ABI3: variants seen among roughly 807,000 people sequenced by gnomAD.
ABI3 encodes the protein ABI gene family member 3.
ABI3 carries 24 observed loss-of-function variants against 37.0 expected under a neutral mutation model. That is an observed-to-expected ratio of 0.65 (90% CI 0.47 to 0.91). ABI3 has a LOEUF of 0.91. Ranked by LOEUF, ABI3 falls within the 40% of genes least tolerant of loss-of-function variation. The pLI, the probability that ABI3 is intolerant of heterozygous loss-of-function variation, is 0.00. For missense variants in ABI3, 481 were observed against 485.1 expected (o/e 0.99, Z 0.08); for synonymous variants, 220 against 211.8 (o/e 1.04, Z -0.34).
chr17:49,210,748 G>C lies in ABI3; in HGVS notation c.24G>C (p.Gln8His). 1 of 1,556,682 alleles carries C rather than the reference G, an allele frequency of 6.4e-7. No homozygotes were observed. The highest frequency in any genetic ancestry group is 2.4e-5 in the East Asian group (1 of 41,328). The stretch of plus-strand genomic sequence containing the variant: ...TGATGGCGGAGCTACAGCAGCTGCA[G>C]GAGTTTGAGATCCCCACTGGCCGGG... MAELQQL[Q>H]EFEIPTGREA... Residue 8 changes from glutamine (Q) to histidine (H), a missense_variant, in exon 1 of 8, where the codon CAG becomes CAC. Transcript: ENST00000225941. This position sits in a 1 kb window ranked among gnomAD's most constrained non-coding sequence, Gnocchi z 4.2.
intron 6 of ABI3, among the ~76,000 whole-genome samples, chr17:49,221,293 A>T (rs1383341357): frequency 2.0e-5 from 3 of 150,294 alleles, no homozygotes; most frequent in Admixed American, 6.6e-5. Flanking sequence ...ACATGGTGAA[A>T]CCCTGTCTCT....
At position 49,219,744 on chromosome 17, in the gene ABI3, A is replaced by G. The variant is rs2043260562; in HGVS notation, c.549-114A>G. ...CCGGGTGCTCAGGCCGTCATGCTGG[A>G]TGCCTGGCGCCAAACCTCCCCCTCG... On this transcript the variant is annotated intron_variant, in intron 4 of 7. Coordinates refer to ENST00000225941, the MANE Select transcript of ABI3 (RefSeq NM_016428.3). This position sits in a 1 kb window ranked among gnomAD's most constrained non-coding sequence, Gnocchi z 4.3. 1 of 1,404,120 alleles carries G rather than the reference A, an allele frequency of 7.1e-7. No homozygotes were observed. Among genetic ancestry groups the G allele is most frequent in the Non-Finnish European group, 9.8e-7 (1 of 1,024,850 alleles). 87.0% of individuals were successfully genotyped at this position (1,404,120 alleles called of 1,614,324 possible).
At chr17:49,216,241 T>C (rs1348015803) in intron 1 of ABI3, among the ~76,000 whole-genome samples, 3 of 152,066 alleles carry the variant, frequency 2.0e-5, no homozygotes, top group Non-Finnish European at 4.4e-5. Flanking sequence ...GGTTGTACTA[T>C]CATCTGTACT....
intron 7 of ABI3, 63 bp downstream of exon 7, chr17:49,222,288 TCTC>T (rs2043299655): frequency 6.4e-7 from 1 of 1,558,438 alleles, no homozygotes; most frequent in East Asian, 2.3e-5. Context: ...TGATCCCCAT[TCTC>T]CTCCCTCTGC....
intron 1 of ABI3, among the ~76,000 whole-genome samples, chr17:49,212,438 A>G (rs1168123261): frequency 1.3e-5 from 2 of 152,240 alleles, no homozygotes; most frequent in Non-Finnish European, 2.9e-5. Context: ...TAACCAAACT[A>G]TGAGAACAGG....
At chr17:49,212,398 T>C (rs1039713098) in intron 1 of ABI3, among the ~76,000 whole-genome samples, 2 of 152,200 alleles carry the variant, frequency 1.3e-5, no homozygotes, top group African/African-American at 4.8e-5. Flanking sequence ...TGTTACCCCT[T>C]GGGCAAAACT....
rs1371412938 is a variant in ABI3, at chr17:49,222,853, T to C, written c.*138T>C. On this transcript the variant is annotated 3_prime_UTR_variant, in exon 8 of 8. Transcript: ENST00000225941. ...GAGCTGTGTTCTGTCCTTCCTCCCA[T>C]CGGAGGGAGAAGGGGTCCTGGGGAG... The C allele has an allele frequency of 7.0e-6, 7 of 1,005,156 alleles. 1 individual carries two copies. The highest frequency in any genetic ancestry group is 3.2e-4 in the Middle Eastern group (1 of 3,096). 62.3% of individuals were successfully genotyped at this position (1,005,156 alleles called of 1,614,324 possible).
intron 1 of ABI3, among the ~76,000 whole-genome samples, chr17:49,216,231 G>A: frequency 6.6e-6 from 1 of 152,004 alleles, no homozygotes; most frequent in Non-Finnish European, 1.5e-5. Context: ...TCTTCAGGAG[G>A]GTTGTACTAT....
Position 49,220,414 on chromosome 17 carries a change from C to T in ABI3, c.802+88C>T, listed in dbSNP as rs2233372. The stretch of plus-strand genomic sequence containing the variant: ...CAGCCCACCTCTCTTGGATCTGCCC[C>T]GGCCAGCCTCAGTGAATGCCTCCTC... On this transcript the variant is annotated intron_variant, in intron 6 of 7. Coordinates refer to ENST00000225941, the MANE Select transcript of ABI3 (RefSeq NM_016428.3). The T allele has an allele frequency of 4.3e-3, 6,307 of 1,471,400 alleles. 256 individuals are homozygous for T. In the African/African-American group the frequency reaches 0.079, roughly 18 times the overall value. The allele number at this position is 1,471,400 out of a possible 1,614,324, so 91.1% of individuals were successfully genotyped here.
At chr17:49,218,157 GC>G (rs375535261) in intron 3 of ABI3, among the ~76,000 whole-genome samples, 7 of 152,104 alleles carry the variant, frequency 4.6e-5, no homozygotes, top group African/African-American at 1.4e-4. Flanking sequence ...AGCACCCCTC[GC>G]CCCCCCGCCC....
In ABI3 at chr17:49,210,775, G is replaced by T. The variant is rs755071175; in HGVS notation, c.51G>T (p.Glu17Asp). Residue 17 changes from glutamate to aspartate, a missense_variant, in exon 1 of 8, where the codon GAG becomes GAT. Glu to Asp is a conservative substitution (Grantham distance 45, BLOSUM62 2). Coordinates refer to ENST00000225941, the MANE Select transcript of ABI3 (RefSeq NM_016428.3). The surrounding 1 kb of genome is among the most constrained non-coding windows in gnomAD (Gnocchi z 4.2). ...LQEFEIPTGR[E>D]ALRGNHSALL... is the part of the protein sequence containing the mutation. Reference sequence around the variant, plus strand: ...AGTTTGAGATCCCCACTGGCCGGGAGGCTCTGAGGGGCAACCACAGTGCCC... The same window carrying T: ...AGTTTGAGATCCCCACTGGCCGGGATGCTCTGAGGGGCAACCACAGTGCCC... 1.9e-4 allele frequency: 298 copies of T among 1,555,308 alleles called. 1 individual carries two copies. Among genetic ancestry groups the T allele is most frequent in the Admixed American group, 5.8e-5 (3 of 51,502 alleles).
rs35385458 is a variant in ABI3, at chr17:49,211,949, C to CTT, written c.117+1120_117+1121dup. Among the ~76,000 whole-genome samples the CTT allele has an allele frequency of 9.0e-3, 1,292 of 143,760 alleles. 13 individuals are homozygous for CTT. Among genetic ancestry groups the CTT allele is most frequent in the East Asian group, 0.022 (108 of 4,846 alleles). The allele number at this position is 143,760 out of a possible 152,430, so 94.3% of individuals were successfully genotyped here. The stretch of plus-strand genomic sequence containing the variant: ...GAGTGAGCCACTGTGCCCAGCCAGC[C>CTT]TTTTTTTTTTTTTGACGGGGTCTCC... On this transcript the variant is annotated intron_variant, in intron 1 of 7. Transcript: ENST00000225941.
Position 49,219,962 on chromosome 17 carries a change from T to C in ABI3, c.644+9T>C, listed in dbSNP as rs1397725687. On this transcript the variant is annotated intron_variant, in intron 5 of 7. Transcript: ENST00000225941. The surrounding 1 kb of genome is among the most constrained non-coding windows in gnomAD (Gnocchi z 4.3). ...TCCCTGGCCTCGGCCGGGTGAGACC[T>C]ACAAGCCCACGTGGGTGGGTGGGGG... The C allele has an allele frequency of 1.5e-6, 2 of 1,304,168 alleles. No homozygotes were observed. The highest frequency in any genetic ancestry group is 1.9e-5 in the Admixed American group (1 of 51,334). The allele number at this position is 1,304,168 out of a possible 1,614,324, so 80.8% of individuals were successfully genotyped here.
chr17:49,222,964 G>A lies in ABI3; in HGVS notation c.*249G>A, dbSNP rs1041496385. 8.2e-5 allele frequency: 44 copies of A among 534,922 alleles called. No homozygotes were observed. In the Middle Eastern group the frequency reaches 1.9e-3, roughly 23 times the overall value. The allele number at this position is 534,922 out of a possible 1,614,324, so 33.1% of individuals were successfully genotyped here. A position where few individuals can be genotyped will look rare whatever the true frequency, so the allele number is the denominator to read the frequency against. ...AACAGAGGACCCCTACTCCATGCAG[G>A]ACAGGGTCTCCTGCTGCAAGTCCCA... On this transcript the variant is annotated 3_prime_UTR_variant, in exon 8 of 8. Coordinates refer to ENST00000225941, the MANE Select transcript of ABI3 (RefSeq NM_016428.3).
chr17:49,222,019 C>T, intron 6 of ABI3, 72 bp from the exon 7 acceptor site: 1 of 1,473,268 alleles, frequency 6.8e-7, no homozygotes, highest in East Asian at 2.5e-5. Context: ...GGGTCCAGCT[C>T]TTGAGCAGTT....
At position 49,219,693 on chromosome 17, in the gene ABI3, A is replaced by C; in HGVS notation, c.548+68A>C. The C allele has an allele frequency of 6.8e-7, 1 of 1,480,108 alleles. No individual in the cohort carries two copies. The highest frequency in any genetic ancestry group is 9.2e-7 in the Non-Finnish European group (1 of 1,087,282). The allele number at this position is 1,480,108 out of a possible 1,614,324, so 91.7% of individuals were successfully genotyped here. The stretch of plus-strand genomic sequence containing the variant: ...CGCGACCCTGAAACTCTCCTCCCCC[A>C]GCCTCGCCACCCACCCCTGGCGCCC... On this transcript the variant is annotated intron_variant, in intron 4 of 7. Transcript: ENST00000225941. This position sits in a 1 kb window ranked among gnomAD's most constrained non-coding sequence, Gnocchi z 4.3.
intron 1 of ABI3, among the ~76,000 whole-genome samples, chr17:49,212,602 C>T (rs915928440): frequency 1.3e-5 from 2 of 152,206 alleles, no homozygotes; most frequent in Non-Finnish European, 2.9e-5. Context: ...CCAGCATGGC[C>T]TCCCTTCATC....
chr17:49,222,819 T>C lies in ABI3; in HGVS notation c.*104T>C. ...CAGCTGGACTGGGTCTGCCCACCTC[T>C]TGGGCTGTGAGCTGTGTTCTGTCCT... On this transcript the variant is annotated 3_prime_UTR_variant, in exon 8 of 8. Coordinates refer to ENST00000225941, the MANE Select transcript of ABI3 (RefSeq NM_016428.3). 1.5e-6 allele frequency: 2 copies of C among 1,295,932 alleles called. No homozygotes were observed. The highest frequency in any genetic ancestry group is 2.1e-6 in the Non-Finnish European group (2 of 950,994). The allele number at this position is 1,295,932 out of a possible 1,614,324, so 80.3% of individuals were successfully genotyped here.
chr17:49,217,604 G>A (rs2043233369), intron 2 of ABI3, 135 bp from the exon 3 acceptor site: 5 of 704,628 alleles, frequency 7.1e-6, no homozygotes, highest in South Asian at 4.4e-5. Flanking sequence ...GGGGCGGGGG[G>A]CGGGGGGCAG....
Sources: allele counts gnomAD v4.1 joint callset (sites outside exome capture counted in the v4.1 genomes callset), GRCh38; gene constraint gnomAD v4.1.1; non-coding constraint Gnocchi (gnomAD v3.1); transcripts MANE v1.5; gene names NCBI Gene and HGNC (gene_info 2026-07-23, HGNC 2026-07-21).